Variants in TTLL11 observed in about 807,000 individuals in gnomAD.
TTLL11 encodes tubulin tyrosine ligase like 11, also known as tubulin polyglutamylase TTLL11.
A neutral mutation model predicts 51.7 loss-of-function variants in TTLL11; 42 were observed. The observed-to-expected ratio is 0.81, with a 90% CI of 0.64 to 1.05. TTLL11 has a LOEUF of 1.05. Among genes scored for constraint, TTLL11 ranks in the 50% least tolerant of loss-of-function variants. The pLI, the probability that TTLL11 is intolerant of heterozygous loss-of-function variation, is 0.00. For synonymous variants in TTLL11, 381 were observed against 383.5 expected (o/e 0.99, Z 0.08); for missense variants, 799 against 940.4 (o/e 0.85, Z 1.97).
rs1453980767 is a variant in TTLL11 at position 122,088,838 on chromosome 9, T to C, written c.462+3849A>G. Among the ~76,000 whole-genome samples the C allele has an allele frequency of 5.9e-5, 9 of 151,906 alleles. No homozygotes were observed. In the South Asian group the frequency reaches 1.7e-3, roughly 28 times the overall value. On this transcript the variant is annotated intron_variant, in intron 1 of 8. Transcript: ENST00000321582. ...CTGGCCAACATGGTGAAACCCCATC[T>C]CTATTAAAAATACAAAAATTAGCCA... is the stretch of plus-strand genomic sequence containing the variant.
chr9:122,033,101 T>C (rs1352943624), intron 2 of TTLL11, among the ~76,000 whole-genome samples: 1 of 152,174 alleles, frequency 6.6e-6, no homozygotes, highest in Non-Finnish European at 1.5e-5. Context: ...ATGCCTGGCA[T>C]CATCCTTATT....
intron 1 of TTLL11, among the ~76,000 whole-genome samples, chr9:122,062,107 G>A (rs1346713267): frequency 1.3e-5 from 2 of 152,142 alleles, no homozygotes; most frequent in Non-Finnish European, 2.9e-5. Context: ...GGCACACCCT[G>A]GGCACATCCT....
At chr9:122,046,361 C>G (rs1050449769) in intron 1 of TTLL11, among the ~76,000 whole-genome samples, 1 of 152,238 alleles carries the variant, frequency 6.6e-6, no homozygotes, top group Admixed American at 6.5e-5. Context: ...TGTAAGTTTC[C>G]TGAGGCCTCC....
intron 2 of TTLL11, among the ~76,000 whole-genome samples, chr9:122,033,963 T>G (rs1042428951): frequency 1.3e-5 from 2 of 152,230 alleles, no homozygotes; most frequent in Non-Finnish European, 2.9e-5. Flanking sequence ...TGTTGCATAA[T>G]AAACACTAGA....
intron 6 of TTLL11, among the ~76,000 whole-genome samples, chr9:121,924,808 A>G (rs1374075297): frequency 1.3e-5 from 2 of 150,256 alleles, no homozygotes; most frequent in African/African-American, 2.5e-5. Context: ...AAGCCCAGCT[A>G]CTTTTATCAT....
chr9:121,878,435 C>T (rs544653088), intron 6 of TTLL11, among the ~76,000 whole-genome samples: 1 of 152,210 alleles, frequency 6.6e-6, no homozygotes, highest in Middle Eastern at 3.4e-3. Context: ...TAATGTGTGT[C>T]GACTATATGA....
chr9:121,822,705 GGCCGGCCCCCCGACGGGACGCCCC>G lies in TTLL11; in HGVS notation c.1991_2014del (p.Arg664_Arg671del), dbSNP rs1475862957. 6.5e-7 allele frequency: 1 copy of G among 1,549,898 alleles called. No individual in the cohort carries two copies. The highest frequency in any genetic ancestry group is 2.0e-5 in the Admixed American group (1 of 50,958). ...CTCCTGGGGAGGGCCACGGTGTGGG[GGCCGGCCCCCCGACGGGACGCCCC>G]GGCCACACACCAGGCGTTTTTCATC... is the stretch of plus-strand genomic sequence containing the variant. On this transcript the variant is annotated inframe_deletion, in exon 9 of 9. Transcript: ENST00000321582. The surrounding 1 kb of genome is among the most constrained non-coding windows in gnomAD (Gnocchi z 5.8).
In TTLL11 at chr9:121,860,367, T is replaced by C; in HGVS notation, c.1810A>G (p.Asn604Asp). 1 of 1,551,522 alleles carries C rather than the reference T, an allele frequency of 6.4e-7. No homozygotes were observed. The highest frequency in any genetic ancestry group is 1.2e-5 in the South Asian group (1 of 84,020). Reference protein sequence around the residue: ...ILYIDITRRWNSMTLDQRDSG... With the variant: ...ILYIDITRRWDSMTLDQRDSG... ...TCCCGCTGGTCCAGGGTCATGGAGT[T>C]CCACCTCCGTGTGATGTCAATGTAG... Residue 604 changes from asparagine to aspartate, a missense_variant, in exon 8 of 9, where the codon AAC (asparagine) becomes GAC (aspartate). Coordinates refer to ENST00000321582, the MANE Select transcript of TTLL11 (RefSeq NM_001139442.2).
At chr9:122,068,704 T>C (rs928603635) in intron 1 of TTLL11, among the ~76,000 whole-genome samples, 7 of 152,274 alleles carry the variant, frequency 4.6e-5, no homozygotes, top group African/African-American at 1.7e-4. Flanking sequence ...CTACACTGCA[T>C]TGTGGCAGAT....
In TTLL11 at chr9:122,093,262, C is replaced by T; in HGVS notation, c.-114G>A. 6.5e-7 allele frequency: 1 copy of T among 1,535,278 alleles called. No homozygotes were observed. The highest frequency in any genetic ancestry group is 8.7e-7 in the Non-Finnish European group (1 of 1,152,146). Reference sequence around the variant, plus strand: ...CAGCCGCTGCCACGCGTTCCCCGCCCGAGCCCGTTGCCATGATCGCTCAGG... The same window carrying T: ...CAGCCGCTGCCACGCGTTCCCCGCCTGAGCCCGTTGCCATGATCGCTCAGG... On this transcript the variant is annotated 5_prime_UTR_variant, in exon 1 of 9. Coordinates refer to ENST00000321582, the MANE Select transcript of TTLL11 (RefSeq NM_001139442.2).
At chr9:121,931,077 T>A (rs1262412525) in intron 6 of TTLL11, among the ~76,000 whole-genome samples, 1 of 152,210 alleles carries the variant, frequency 6.6e-6, no homozygotes, top group Admixed American at 6.5e-5. Context: ...ATGGCAAGGT[T>A]CAAAGACCTA....
At chr9:121,864,316 G>A (rs1250266038) in intron 7 of TTLL11, among the ~76,000 whole-genome samples, 2 of 152,172 alleles carry the variant, frequency 1.3e-5, no homozygotes, top group East Asian at 3.8e-4. Flanking sequence ...ATTGAGAACA[G>A]TTTTCCCTTA....
rs1843920832 is a variant in TTLL11, at chr9:122,014,953, G to A, written c.693+16770C>T. On this transcript the variant is annotated intron_variant, in intron 3 of 8. Transcript: ENST00000321582. ...AGCACTTGGCACTTAGCAGGCCTCGGGAAACGATTGCACTAAACCACATAA... is the reference window on the plus strand; with the variant it reads ...AGCACTTGGCACTTAGCAGGCCTCGAGAAACGATTGCACTAAACCACATAA... 3.3e-5 allele frequency among the ~76,000 whole-genome samples: 5 copies of A among 152,276 alleles called. No individual in the cohort carries two copies. The South Asian group carries it at 1.0e-3, about 32-fold the overall frequency.
At chr9:121,837,047 TAC>T (rs1200310646) in intron 8 of TTLL11, among the ~76,000 whole-genome samples, 1 of 152,208 alleles carries the variant, frequency 6.6e-6, no homozygotes, top group Admixed American at 6.5e-5. Flanking sequence ...GTACTGCACT[TAC>T]ACAATTTTAA....
intron 5 of TTLL11, 101 bp from the exon 6 acceptor site, chr9:121,974,225 G>T: frequency 2.8e-6 from 2 of 717,498 alleles, no homozygotes; most frequent in Non-Finnish European, 4.4e-6. Context: ...TTTTGCTTAT[G>T]CTAATCTATA....
intron 1 of TTLL11, among the ~76,000 whole-genome samples, chr9:122,072,092 A>C (rs1845745534): frequency 6.6e-6 from 1 of 152,226 alleles, no homozygotes; most frequent in Admixed American, 6.5e-5. Flanking sequence ...CTTCCAGTGT[A>C]GGCCTGCATG....
intron 6 of TTLL11, among the ~76,000 whole-genome samples, chr9:121,914,217 C>T (rs7019301): frequency 0.26 from 40,156 of 152,166 alleles, 6,330 homozygotes; most frequent in East Asian, 0.46. Context: ...AACACAGGCA[C>T]AGCTATTTGT....
At chr9:121,954,678 G>GCACACACACA (rs71371904) in intron 6 of TTLL11, among the ~76,000 whole-genome samples, 3,541 of 149,356 alleles carry the variant, frequency 0.024, 44 homozygotes, top group African/African-American at 0.033. Flanking sequence ...ACACACAGAC[G>GCACACACACA]CACACACACA....
chr9:121,885,081 C>T (rs1838957008), intron 6 of TTLL11: 1 of 152,202 alleles, frequency 6.6e-6, no homozygotes, highest in Non-Finnish European at 1.5e-5. Context: ...ATTTCCCACA[C>T]TCTTAGTCCT....
Sources: gnomAD v4.1 joint callset for allele counts (sites outside exome capture counted in the v4.1 genomes callset) on GRCh38, gnomAD v4.1.1 for gene constraint, Gnocchi (gnomAD v3.1) non-coding constraint, MANE v1.5 for transcripts, NCBI Gene and HGNC (gene_info 2026-07-23, HGNC 2026-07-21) for gene names.